The following ANO4 variants were observed in gnomAD, a reference collection of about 807,000 sequenced individuals.
ANO4 encodes anoctamin-4.
A neutral mutation model predicts 141.9 loss-of-function variants in ANO4; 69 were observed. That is an observed-to-expected ratio of 0.49 (90% CI 0.40 to 0.59). The LOEUF is 0.59. Among genes scored for constraint, ANO4 ranks in the 20% least tolerant of loss-of-function variants. The pLI is 0.00. For synonymous variants in ANO4, 350 were observed against 394.3 expected (o/e 0.89, Z 1.33); for missense variants, 894 against 1,162.2 (o/e 0.77, Z 3.36).
At chr12:101,015,190 C>T (rs2046265096) in intron 8 of ANO4, among the ~76,000 whole-genome samples, 1 of 152,140 alleles carries the variant, frequency 6.6e-6, no homozygotes, top group Admixed American at 6.6e-5. Context: ...TAAGTATGTA[C>T]AATGAAGTTT....
At chr12:101,016,018 C>T (rs1234436763) in intron 8 of ANO4, among the ~76,000 whole-genome samples, 2 of 152,144 alleles carry the variant, frequency 1.3e-5, no homozygotes, top group African/African-American at 4.8e-5. Flanking sequence ...CAGGAAGATC[C>T]TTAGACATGC....
chr12:100,719,099 A>G (rs941893947), intron 1 of ANO4, among the ~76,000 whole-genome samples: 1 of 152,254 alleles, frequency 6.6e-6, no homozygotes, highest in African/African-American at 2.4e-5. Context: ...CAGTAATTAA[A>G]GGAAAAAGGT....
chr12:101,027,545 T>G (rs541001152), intron 9 of ANO4, among the ~76,000 whole-genome samples: 1 of 147,848 alleles, frequency 6.8e-6, no homozygotes, highest in African/African-American at 2.7e-5. Context: ...GCTGGATGGC[T>G]TGGTCCCCAA....
intron 7 of ANO4, among the ~76,000 whole-genome samples, chr12:100,979,207 A>G (rs1214115101): frequency 1.3e-5 from 2 of 152,230 alleles, no homozygotes; most frequent in Admixed American, 6.5e-5. Flanking sequence ...CTGATGATCA[A>G]TCAGAGATGA....
At chr12:101,073,526 CAA>C (rs1229655104) in intron 14 of ANO4, among the ~76,000 whole-genome samples, 2 of 150,556 alleles carry the variant, frequency 1.3e-5, no homozygotes, top group Non-Finnish European at 2.9e-5. Context: ...ACATATGTAA[CAA>C]ATCTGCACGT....
At chr12:100,929,587 G>C (rs1392962192) in intron 3 of ANO4, among the ~76,000 whole-genome samples, 4 of 152,096 alleles carry the variant, frequency 2.6e-5, no homozygotes, top group African/African-American at 9.7e-5. Flanking sequence ...TGAGAGTGCA[G>C]ATAGCTAGTA....
At chr12:101,119,905 T>C (rs2137052967) in intron 25 of ANO4, among the ~76,000 whole-genome samples, 1 of 152,194 alleles carries the variant, frequency 6.6e-6, no homozygotes, top group Non-Finnish European at 1.5e-5. Context: ...CGGCAAACAT[T>C]TGTGGCATTT....
chr12:100,981,868 T>C (rs609728), intron 7 of ANO4, among the ~76,000 whole-genome samples: 103,162 of 151,940 alleles, frequency 0.68, 35,264 homozygotes, highest in East Asian at 0.84. Flanking sequence ...TTAATCATCA[T>C]CTCTCCTAAG....
intron 3 of ANO4, among the ~76,000 whole-genome samples, chr12:100,937,844 A>G (rs1027972038): frequency 3.3e-5 from 5 of 152,172 alleles, no homozygotes; most frequent in African/African-American, 9.7e-5. Context: ...AGCCAGCAGC[A>G]TAGCATCTTC....
chr12:101,114,999 A>G (rs2050798100), intron 24 of ANO4, among the ~76,000 whole-genome samples: 1 of 152,066 alleles, frequency 6.6e-6, no homozygotes, highest in Non-Finnish European at 1.5e-5. Context: ...GCACGATAAC[A>G]TGCAGAACCC....
intron 9 of ANO4, among the ~76,000 whole-genome samples, chr12:101,029,315 G>A (rs943873601): frequency 3.9e-5 from 6 of 152,124 alleles, no homozygotes; most frequent in Middle Eastern, 3.4e-3. Flanking sequence ...TGACAGGATC[G>A]AATTCACACA....
At chr12:100,740,167 T>G in intron 3 of ANO4, 1 of 686,060 alleles carries the variant, frequency 1.5e-6, no homozygotes. Context: ...CTTCATGCAT[T>G]TGCCTGCTGA....
At chr12:101,054,542 C>T (rs943619478) in intron 14 of ANO4, among the ~76,000 whole-genome samples, 2 of 152,228 alleles carry the variant, frequency 1.3e-5, no homozygotes, top group Non-Finnish European at 2.9e-5. Flanking sequence ...CTCTGTCCCC[C>T]AGGCTGGAGT....
At chr12:100,963,522 A>C (rs1426355304) in intron 5 of ANO4, among the ~76,000 whole-genome samples, 1 of 151,576 alleles carries the variant, frequency 6.6e-6, no homozygotes, top group Non-Finnish European at 1.5e-5. Flanking sequence ...GTGTGTGTGT[A>C]TGTGTTGCAG....
At chr12:100,754,755 G>A (rs1373238991) in intron 3 of ANO4, among the ~76,000 whole-genome samples, 2 of 152,100 alleles carry the variant, frequency 1.3e-5, no homozygotes, top group Non-Finnish European at 2.9e-5. Context: ...ATTAAGTACT[G>A]ATACATGCTA....
At chr12:100,802,596 A>G (rs1031719100) in intron 1 of ANO4, among the ~76,000 whole-genome samples, 9 of 152,248 alleles carry the variant, frequency 5.9e-5, no homozygotes, top group African/African-American at 2.2e-4. Flanking sequence ...ATGATGTGGT[A>G]GAAAAGAAGC....
At chr12:101,082,238 G>A (rs1237876741) in intron 15 of ANO4, among the ~76,000 whole-genome samples, 3 of 152,128 alleles carry the variant, frequency 2.0e-5, no homozygotes, top group Admixed American at 2.0e-4. Context: ...GACATCCCCT[G>A]CACATGGTCT....
At chr12:101,085,626 G>A (rs766493869) in intron 16 of ANO4, among the ~76,000 whole-genome samples, 1 of 152,108 alleles carries the variant, frequency 6.6e-6, no homozygotes, top group Non-Finnish European at 1.5e-5. Context: ...GGGCCAATCC[G>A]TCATGAGGAT....
intron 3 of ANO4, among the ~76,000 whole-genome samples, chr12:100,745,111 C>G (rs1172597913): frequency 6.6e-6 from 1 of 152,080 alleles, no homozygotes; most frequent in Non-Finnish European, 1.5e-5. Context: ...AAGGGCCTTC[C>G]TAACTAATTT....
Sources: allele counts gnomAD v4.1 joint callset (sites outside exome capture counted in the v4.1 genomes callset), GRCh38; gene constraint gnomAD v4.1.1; transcripts MANE v1.5; gene names NCBI Gene and HGNC (gene_info 2026-07-23, HGNC 2026-07-21).